Variants in SLC37A3 observed in about 807,000 individuals in gnomAD.
SLC37A3 encodes solute carrier family 37 member 3, also known as sugar phosphate exchanger 3.
In SLC37A3, 51 loss-of-function variants were observed where a neutral mutation model predicts 67.1. The ratio of observed to expected loss-of-function variants is 0.76; its 90% confidence interval spans 0.61 to 0.96. The LOEUF is 0.96. SLC37A3 is among the 40% of genes least tolerant of loss of function. SLC37A3 has a pLI of 0.00. For synonymous variants in SLC37A3, 214 were observed against 231.4 expected (o/e 0.92, Z 0.68); for missense variants, 508 against 603.0 (o/e 0.84, Z 1.65).
chr7:140,342,018 G>A (rs1796379648), intron 13 of SLC37A3, among the ~76,000 whole-genome samples: 1 of 152,142 alleles, frequency 6.6e-6, no homozygotes, highest in African/African-American at 2.4e-5. Context: ...AATATGCCAA[G>A]CATATCAGTC....
Position 140,348,693 on chromosome 7 carries a change from G to A in SLC37A3, c.957C>T (p.Asn319=). 2.5e-6 allele frequency: 4 copies of A among 1,614,118 alleles called. No individual in the cohort carries two copies. The highest frequency in any genetic ancestry group is 3.4e-6 in the Non-Finnish European group (4 of 1,180,026). Residue 319 remains asparagine (N), a synonymous_variant, in exon 10 of 15, where the codon AAC becomes AAT. Coordinates refer to ENST00000326232, the MANE Select transcript of SLC37A3 (RefSeq NM_207113.3). ...FFFWLPFYLS[N]NFGWKEAEAD... is the part of the protein sequence containing the mutation. ...CTTCCGCCTCCTTCCAGCCGAAGTT[G>A]TTACTCAGATAAAAGGGGAGCCAGA...
intron 6 of SLC37A3, among the ~76,000 whole-genome samples, chr7:140,356,456 C>T (rs964118327): frequency 6.6e-6 from 1 of 152,050 alleles, no homozygotes; most frequent in Non-Finnish European, 1.5e-5. Flanking sequence ...CTGAGGTGGG[C>T]AGGTCACTTG....
chr7:140,362,932 G>A (rs1326646401), intron 5 of SLC37A3, among the ~76,000 whole-genome samples: 1 of 77,976 alleles, frequency 1.3e-5, no homozygotes, highest in African/African-American at 4.8e-5. Flanking sequence ...CGCCCTGTCC[G>A]GGAGGGAGGT....
At chr7:140,395,909 G>C (rs2129999411) in intron 1 of SLC37A3, among the ~76,000 whole-genome samples, 1 of 152,068 alleles carries the variant, frequency 6.6e-6, no homozygotes, top group Admixed American at 6.6e-5. Context: ...TGTTTTCAAA[G>C]TGTAAAGAAG....
intron 3 of SLC37A3, among the ~76,000 whole-genome samples, chr7:140,369,941 T>A (rs547731127): frequency 6.6e-6 from 1 of 152,076 alleles, no homozygotes; most frequent in Admixed American, 6.6e-5. Context: ...AGAAACCCTG[T>A]CTCTACTAAA....
At chr7:140,388,811 A>T (rs10236384) in intron 1 of SLC37A3, among the ~76,000 whole-genome samples, 5,239 of 146,106 alleles carry the variant, frequency 0.036, 264 homozygotes, top group African/African-American at 0.12. Flanking sequence ...CTCCATCTTT[A>T]AAAAAAAAAA....
intron 12 of SLC37A3, among the ~76,000 whole-genome samples, 174 bp downstream of exon 12, chr7:140,345,042 G>T (rs1356338757): frequency 6.6e-6 from 1 of 152,194 alleles, no homozygotes; most frequent in Non-Finnish European, 1.5e-5. Context: ...AGGAGGTCAT[G>T]TAAGAAACAG....
intron 6 of SLC37A3, among the ~76,000 whole-genome samples, chr7:140,357,587 T>C (rs1797083282): frequency 6.9e-6 from 1 of 143,908 alleles, no homozygotes; most frequent in African/African-American, 2.6e-5. Flanking sequence ...AAAAGATGAC[T>C]CAAAAAAAGA....
In SLC37A3 at chr7:140,364,474, G is replaced by A. The variant is rs758043406; in HGVS notation, c.309C>T (p.Gly103=). 6.2e-7 allele frequency: 1 copy of A among 1,613,994 alleles called. No individual in the cohort carries two copies. Among genetic ancestry groups the A allele is most frequent in the Admixed American group, 1.7e-5 (1 of 60,006 alleles). The change falls in exon 5 of 15, where the codon GGC becomes GGT. Residue 103 remains glycine (G), a synonymous_variant. Coordinates refer to ENST00000326232, the MANE Select transcript of SLC37A3 (RefSeq NM_207113.3). ...FSYAVGLFIS[G]IVGDRLNLRW... ...GCAAATTCAACCGATCCCCAACGAT[G>A]CCACTGATGAATAGGCCCTAAAAAT... is the stretch of plus-strand genomic sequence containing the variant.
intron 9 of SLC37A3, among the ~76,000 whole-genome samples, chr7:140,350,121 T>C (rs1409459955): frequency 1.3e-5 from 2 of 152,114 alleles, no homozygotes; most frequent in African/African-American, 2.4e-5. Flanking sequence ...TAAAGCACCA[T>C]TGACAAATGA....
At chr7:140,353,990 G>C (rs867776172) in intron 7 of SLC37A3, among the ~76,000 whole-genome samples, 1 of 152,036 alleles carries the variant, frequency 6.6e-6, no homozygotes, top group Admixed American at 6.5e-5. Context: ...GATTACAGGC[G>C]TGAGCCACCA....
At chr7:140,374,732 G>A (rs1797956908) in intron 3 of SLC37A3, among the ~76,000 whole-genome samples, 1 of 152,048 alleles carries the variant, frequency 6.6e-6, no homozygotes, top group Non-Finnish European at 1.5e-5. Flanking sequence ...TGTAGTGCCA[G>A]AGTACAGTGT....
chr7:140,375,319 C>T (rs1317105254), intron 3 of SLC37A3, among the ~76,000 whole-genome samples: 1 of 151,454 alleles, frequency 6.6e-6, no homozygotes, highest in Admixed American at 6.6e-5. Flanking sequence ...TACTAAAATA[C>T]AAAAAATTAG....
At chr7:140,347,958 T>C (rs940322004) in intron 10 of SLC37A3, among the ~76,000 whole-genome samples, 4 of 152,298 alleles carry the variant, frequency 2.6e-5, no homozygotes, top group Admixed American at 2.0e-4. Context: ...CCAAACTCTA[T>C]ACATACTATG....
At chr7:140,362,793 C>T (rs1797402908) in intron 5 of SLC37A3, among the ~76,000 whole-genome samples, 1 of 91,760 alleles carries the variant, frequency 1.1e-5, no homozygotes, top group South Asian at 4.6e-4. Flanking sequence ...CAGCCCCCCG[C>T]CTGGCCAGCC....
chr7:140,388,198 C>T (rs898524997), intron 1 of SLC37A3, among the ~76,000 whole-genome samples: 2 of 150,692 alleles, frequency 1.3e-5, no homozygotes, highest in African/African-American at 4.9e-5. Context: ...TTTGGGAGGT[C>T]GAGGTGGGAG....
rs1263443498 is a variant in SLC37A3, at chr7:140,341,422, C to A, written c.1326+1990G>T. Among the ~76,000 whole-genome samples the A allele has an allele frequency of 3.3e-5, 5 of 152,236 alleles. 1 individual carries two copies. Among genetic ancestry groups the A allele is most frequent in the African/African-American group, 9.6e-5 (4 of 41,550 alleles). On this transcript the variant is annotated intron_variant, in intron 13 of 14. Coordinates refer to ENST00000326232, the MANE Select transcript of SLC37A3 (RefSeq NM_207113.3). ...ACCGTGACAGGTGCCTACTACAGAA[C>A]CGCATCAACTGCTATGGCAACCTGA...
chr7:140,397,485 C>T (rs988209776), intron 1 of SLC37A3, among the ~76,000 whole-genome samples: 51 of 152,076 alleles, frequency 3.4e-4, no homozygotes, highest in Non-Finnish European at 6.0e-4. Flanking sequence ...TGAGACACCG[C>T]GCCCAACCCG....
At chr7:140,358,488 C>T (rs1187884087) in intron 6 of SLC37A3, 152 bp downstream of exon 6, 11 of 1,046,324 alleles carry the variant, frequency 1.1e-5, no homozygotes, top group South Asian at 4.5e-5. Flanking sequence ...CGCACACTGA[C>T]GTGAAACCCT....
Sources: gnomAD v4.1 joint callset for allele counts (sites outside exome capture counted in the v4.1 genomes callset) on GRCh38, gnomAD v4.1.1 for gene constraint, MANE v1.5 for transcripts, NCBI Gene and HGNC (gene_info 2026-07-23, HGNC 2026-07-21) for gene names.